The following CLASP1 variants were observed in gnomAD, a reference collection of about 807,000 sequenced individuals.
CLASP1 encodes CLIP-associating protein 1.
Under a neutral mutation model 192.3 loss-of-function variants are expected in CLASP1, and 38 were observed. That is an observed-to-expected ratio of 0.20 (90% confidence interval 0.15 to 0.26). The LOEUF (loss-of-function observed/expected upper bound fraction) is 0.26, where lower values mean the gene tolerates loss of function less well. Ranked by LOEUF, CLASP1 falls within the 10% of genes least tolerant of loss-of-function variation. The pLI, the probability that CLASP1 is intolerant of heterozygous loss-of-function variation, is 1.00. For synonymous variants in CLASP1, 691 were observed against 712.8 expected (o/e 0.97, Z 0.49); for missense variants, 1,433 against 1,932.5 (o/e 0.74, Z 4.85).
intron 37 of CLASP1, among the ~76,000 whole-genome samples, chr2:121,360,786 G>A (rs897247240): frequency 1.6e-4 from 25 of 152,178 alleles, no homozygotes; most frequent in African/African-American, 5.8e-4. Flanking sequence ...TGCAGGCACC[G>A]TTCCCAACAC....
intron 1 of CLASP1, among the ~76,000 whole-genome samples, chr2:121,610,894 G>A (rs937925596): frequency 6.7e-6 from 1 of 148,256 alleles, no homozygotes; most frequent in Non-Finnish European, 1.5e-5. Context: ...GGAGGAAGAG[G>A]AGTTACAGGA....
At chr2:121,344,124 A>AG (rs890270936) in intron 39 of CLASP1, among the ~76,000 whole-genome samples, 21 of 151,932 alleles carry the variant, frequency 1.4e-4, no homozygotes, top group African/African-American at 4.6e-4. Context: ...AAAAGACTGG[A>AG]GGGGGGGAAA....
At chr2:121,414,359 C>G (rs912515271) in intron 23 of CLASP1, among the ~76,000 whole-genome samples, 156 bp from the exon 24 acceptor site, 1 of 152,168 alleles carries the variant, frequency 6.6e-6, no homozygotes, top group African/African-American at 2.4e-5. Flanking sequence ...ACAGCAAGTG[C>G]CAATCCCCAA....
chr2:121,404,374 G>A, exon 26 of CLASP1: 1 of 1,611,908 alleles, frequency 6.2e-7, no homozygotes, highest in South Asian at 1.1e-5. Context: ...GACTTACCTT[G>A]CTATGAGGGT....
intron 28 of CLASP1, among the ~76,000 whole-genome samples, chr2:121,400,861 C>A (rs1279885399): frequency 6.6e-6 from 1 of 152,204 alleles, no homozygotes; most frequent in African/African-American, 2.4e-5. Flanking sequence ...CACCAAATCA[C>A]AACCAAGACA....
At chr2:121,564,262 T>C (rs2105336027) in intron 2 of CLASP1, among the ~76,000 whole-genome samples, 2 of 152,334 alleles carry the variant, frequency 1.3e-5, no homozygotes, top group East Asian at 3.9e-4. Flanking sequence ...CTAACATTTA[T>C]CCATTCTTCT....
At chr2:121,497,311 C>A (rs1213047920) in intron 8 of CLASP1, among the ~76,000 whole-genome samples, 1 of 152,138 alleles carries the variant, frequency 6.6e-6, no homozygotes, top group Non-Finnish European at 1.5e-5. Flanking sequence ...AATAATGGAG[C>A]AATCACGCTT....
rs1463920394 is a variant in CLASP1 at position 121,382,393 on chromosome 2, C to T, written c.3375-69G>A. 3 of 888,950 alleles carry T rather than the reference C, an allele frequency of 3.4e-6. No homozygotes were observed. The East Asian group carries it at 8.0e-5, about 24-fold the overall frequency. 55.1% of individuals were successfully genotyped at this position (888,950 alleles called of 1,614,324 possible). On this transcript the variant is annotated intron_variant, in intron 32 of 39. Coordinates refer to ENST00000263710, the Ensembl canonical transcript of CLASP1. Reference sequence around the variant, plus strand: ...AGCAAAGGGGAGGGGAGGAGGAAAGCACTACACACTAAGTGTCTTAGTCTC... The same window carrying T: ...AGCAAAGGGGAGGGGAGGAGGAAAGTACTACACACTAAGTGTCTTAGTCTC...
At chr2:121,344,573 C>T (rs909233424) in intron 39 of CLASP1, among the ~76,000 whole-genome samples, 19 of 151,946 alleles carry the variant, frequency 1.3e-4, no homozygotes, top group Non-Finnish European at 1.6e-4. Flanking sequence ...TCAGATGATC[C>T]GCCCGCCTCG....
At chr2:121,343,478 T>TC (rs2063041705) in intron 39 of CLASP1, among the ~76,000 whole-genome samples, 1 of 152,196 alleles carries the variant, frequency 6.6e-6, no homozygotes, top group Non-Finnish European at 1.5e-5. Flanking sequence ...CAATGGACAT[T>TC]CAGTCTTGAA....
intron 19 of CLASP1, among the ~76,000 whole-genome samples, chr2:121,439,305 G>GT (rs911764899): frequency 1.3e-5 from 2 of 151,990 alleles, no homozygotes; most frequent in African/African-American, 2.4e-5. Flanking sequence ...TTTTTGAAGG[G>GT]TTTTTTTGTG....
At chr2:121,342,469 C>T (rs2062903630) in intron 39 of CLASP1, among the ~76,000 whole-genome samples, 1 of 151,926 alleles carries the variant, frequency 6.6e-6, no homozygotes, top group Non-Finnish European at 1.5e-5. Flanking sequence ...TTTGGGGATG[C>T]AGCAAAAACA....
At chr2:121,347,199 T>G in intron 38 of CLASP1, 45 bp from the exon 40 acceptor site, 1 of 1,299,274 alleles carries the variant, frequency 7.7e-7, no homozygotes, top group Non-Finnish European at 1.1e-6. Context: ...AGATCAAAGA[T>G]TCATTCCATA....
intron 2 of CLASP1, among the ~76,000 whole-genome samples, chr2:121,565,208 C>T (rs1269759526): frequency 6.6e-6 from 1 of 152,154 alleles, no homozygotes; most frequent in Non-Finnish European, 1.5e-5. Context: ...CAGGGAATGT[C>T]CCAGGCTACG....
At chr2:121,647,169 A>C (rs1276448297) in intron 1 of CLASP1, among the ~76,000 whole-genome samples, 2 of 152,022 alleles carry the variant, frequency 1.3e-5, no homozygotes, top group Non-Finnish European at 2.9e-5. Context: ...GGAGTTCAAG[A>C]CCAGCCTGGC....
At chr2:121,357,668 G>A (rs1267287045) in intron 37 of CLASP1, among the ~76,000 whole-genome samples, 3 of 152,166 alleles carry the variant, frequency 2.0e-5, no homozygotes, top group Non-Finnish European at 4.4e-5. Context: ...ATAACAGCAG[G>A]AGCAGCCGCC....
intron 32 of CLASP1, among the ~76,000 whole-genome samples, chr2:121,385,289 A>G (rs892097713): frequency 6.6e-6 from 1 of 152,212 alleles, no homozygotes; most frequent in Non-Finnish European, 1.5e-5. Flanking sequence ...CTATTTACAC[A>G]CTGAATGACG....
At position 121,644,237 on chromosome 2, in the gene CLASP1, A is replaced by T. The variant is rs115640013; in HGVS notation, c.-286+5135T>A. Among the ~76,000 whole-genome samples, 112 of 152,294 alleles carry T rather than the reference A, an allele frequency of 7.4e-4. 2 individuals carry two copies. The highest frequency in any genetic ancestry group is 2.6e-3 in the African/African-American group (108 of 41,556). On this transcript the variant is annotated intron_variant, in intron 1 of 39. Transcript: ENST00000263710. ...CTTGTAAGTGGCAGAGCCAGAATGC[A>T]CAAGGAAATTTGAAAATCATTGGTT...
intron 2 of CLASP1, among the ~76,000 whole-genome samples, chr2:121,536,378 GAAAAAAAAA>G (rs59632661): frequency 1.0e-4 from 5 of 48,310 alleles, no homozygotes; most frequent in Admixed American, 7.5e-4. Context: ...AAGACTGTCT[GAAAAAAAAA>G]AAAAAAAAAA....
Sources: allele counts gnomAD v4.1 joint callset (sites outside exome capture counted in the v4.1 genomes callset), GRCh38; gene constraint gnomAD v4.1.1; transcripts MANE v1.5; gene names NCBI Gene and HGNC (gene_info 2026-07-23, HGNC 2026-07-21).